XIRP2: variants seen among roughly 807,000 people sequenced by gnomAD.
XIRP2 encodes the protein xin actin-binding repeat-containing protein 2.
In XIRP2, 236 loss-of-function variants were observed where a neutral mutation model predicts 277.0. The observed-to-expected ratio is 0.85, with a 90% CI of 0.77 to 0.95. The LOEUF is 0.95. Ranked by LOEUF, XIRP2 falls within the 40% of genes least tolerant of loss-of-function variation. The pLI, the probability that XIRP2 is intolerant of heterozygous loss-of-function variation, is 0.00. For synonymous variants in XIRP2, 1,490 were observed against 1,416.5 expected, an observed-to-expected ratio of 1.05 and a Z score of -1.17; for missense variants, 4,640 against 4,157.5, an observed-to-expected ratio of 1.12 and a Z score of -3.19.
chr2:166,903,537 T>A lies in XIRP2; in HGVS notation c.55T>A (p.Cys19Ser), dbSNP rs1216084493. ...CCTCCTGAGGCAGAAATGGGAATCT[T>A]GTGATTATCAGAGAAGTGAGTGTCA... ...LNLLRQKWESCDYQRSECHPR... is the reference protein window; with the variant it reads ...LNLLRQKWESSDYQRSECHPR... Residue 19 changes from cysteine (C) to serine (S), a missense_variant, in exon 2 of 11, where the codon TGT becomes AGT. Transcript: ENST00000409195. 1 of 1,613,568 alleles carries A rather than the reference T, an allele frequency of 6.2e-7. No homozygotes were observed. Among genetic ancestry groups the A allele is most frequent in the Admixed American group, 1.7e-5 (1 of 59,910 alleles).
intron 5 of XIRP2, among the ~76,000 whole-genome samples, chr2:167,227,393 T>C (rs1188962255): frequency 6.6e-6 from 1 of 152,114 alleles, no homozygotes; most frequent in Non-Finnish European, 1.5e-5. Flanking sequence ...TTTCTGCATA[T>C]ATATGACATA....
chr2:167,204,203 T>G (rs977545613), intron 3 of XIRP2, among the ~76,000 whole-genome samples: 6 of 152,200 alleles, frequency 3.9e-5, no homozygotes, highest in Non-Finnish European at 8.8e-5. Context: ...AAATTCTGGT[T>G]TCTCTGCTCA....
intron 3 of XIRP2, among the ~76,000 whole-genome samples, chr2:167,174,716 T>C (rs1407886166): frequency 2.6e-5 from 4 of 151,656 alleles, no homozygotes; most frequent in Non-Finnish European, 5.9e-5. Flanking sequence ...AGGGTGTCAA[T>C]TTTTAGTGCT....
chr2:167,078,593 T>C (rs1375444263), intron 2 of XIRP2, among the ~76,000 whole-genome samples: 4 of 152,136 alleles, frequency 2.6e-5, no homozygotes, highest in African/African-American at 4.8e-5. Context: ...TCCCAGCACT[T>C]TGGGAGGCCG....
intron 3 of XIRP2, among the ~76,000 whole-genome samples, chr2:167,200,275 C>T (rs1693641732): frequency 6.6e-6 from 1 of 152,206 alleles, no homozygotes; most frequent in Non-Finnish European, 1.5e-5. Flanking sequence ...AAAGACTGGC[C>T]TAGTGATCAC....
intron 2 of XIRP2, among the ~76,000 whole-genome samples, chr2:166,929,552 T>C (rs1685273708): frequency 6.6e-6 from 1 of 152,174 alleles, no homozygotes; most frequent in Admixed American, 6.6e-5. Flanking sequence ...TATATTATAG[T>C]AGTTATCGGA....
At chr2:167,052,281 G>T in intron 2 of XIRP2, among the ~76,000 whole-genome samples, 1 of 151,712 alleles carries the variant, frequency 6.6e-6, no homozygotes. Context: ...TTAAATTATT[G>T]TTATGTAGAA....
intron 2 of XIRP2, among the ~76,000 whole-genome samples, chr2:166,927,869 C>A (rs1326448026): frequency 6.6e-6 from 1 of 152,078 alleles, no homozygotes; most frequent in African/African-American, 2.4e-5. Context: ...CATGAATATG[C>A]TTTTATTTTT....
At chr2:167,213,347 A>G (rs1024040522) in intron 4 of XIRP2, among the ~76,000 whole-genome samples, 3 of 152,350 alleles carry the variant, frequency 2.0e-5, no homozygotes, top group African/African-American at 7.2e-5. Flanking sequence ...GCTGTAGCCC[A>G]AGGTTTTAAT....
At chr2:167,214,171 A>AGAAG (rs201883189) in intron 4 of XIRP2, among the ~76,000 whole-genome samples, 1,348 of 100,510 alleles carry the variant, frequency 0.013, 140 homozygotes, top group African/African-American at 0.056. Context: ...AGAAAGAGAA[A>AGAAG]GAAGGAAGGA....
chr2:167,200,995 G>A (rs978138247), intron 3 of XIRP2, among the ~76,000 whole-genome samples: 7 of 151,698 alleles, frequency 4.6e-5, no homozygotes, highest in Non-Finnish European at 8.8e-5. Flanking sequence ...GTGTGGTGGC[G>A]GGTGCCTGTA....
At chr2:167,081,374 G>A (rs1265553793) in intron 2 of XIRP2, among the ~76,000 whole-genome samples, 3 of 152,162 alleles carry the variant, frequency 2.0e-5, no homozygotes, top group Non-Finnish European at 4.4e-5. Flanking sequence ...AAGCAGAGGT[G>A]AGAGGATTAC....
rs772985192 is a variant in XIRP2 at position 167,239,876 on chromosome 2, G to A, written c.880G>A (p.Val294Ile). 1 of 1,609,800 alleles carries A rather than the reference G, an allele frequency of 6.2e-7. No homozygotes were observed. The highest frequency in any genetic ancestry group is 2.2e-5 in the East Asian group (1 of 44,628). Reference protein sequence around the residue: ...SEQEAIHSSQVGTSRSSQEMA... With the variant: ...SEQEAIHSSQIGTSRSSQEMA... ...TCAGGAGGCAATTCATAGCAGCCAG[G>A]TTGGCACTTCAAGAAGCAGCCAGGA... Residue 294 changes from valine to isoleucine, a missense_variant, in exon 6 of 11, where the codon GTT becomes ATT. By Grantham distance (29) the Val-to-Ile change is conservative (BLOSUM62 3). Coordinates refer to ENST00000409195, the MANE Select transcript of XIRP2 (RefSeq NM_152381.6).
intron 3 of XIRP2, among the ~76,000 whole-genome samples, chr2:167,160,272 C>G (rs79982267): frequency 0.099 from 15,052 of 152,196 alleles, 796 homozygotes; most frequent in South Asian, 0.16. Context: ...TTAAAGCACT[C>G]ATAATTCTAC....
intron 2 of XIRP2, among the ~76,000 whole-genome samples, chr2:167,002,913 G>A (rs1000962780): frequency 2.0e-5 from 3 of 151,762 alleles, no homozygotes; most frequent in African/African-American, 7.3e-5. Flanking sequence ...TTGATGCTTG[G>A]ATTGTCAGAT....
At chr2:166,917,354 G>C (rs751273983) in intron 2 of XIRP2, among the ~76,000 whole-genome samples, 8 of 152,130 alleles carry the variant, frequency 5.3e-5, no homozygotes, top group Non-Finnish European at 1.0e-4. Flanking sequence ...ATACCGCGAG[G>C]ATGGGCCATA....
At chr2:167,065,563 G>A (rs1689281988) in intron 2 of XIRP2, among the ~76,000 whole-genome samples, 1 of 151,554 alleles carries the variant, frequency 6.6e-6, no homozygotes, top group South Asian at 2.1e-4. Context: ...TATTGCTTGT[G>A]TTCTTGGTGT....
chr2:167,006,993 C>G lies in XIRP2; in HGVS notation c.408+103103C>G, dbSNP rs149685216. Among the ~76,000 whole-genome samples the G allele has an allele frequency of 2.4e-3, 368 of 151,686 alleles. 1 individual carries two copies. Among genetic ancestry groups the G allele is most frequent in the Non-Finnish European group, 2.5e-3 (169 of 67,758 alleles). On this transcript the variant is annotated intron_variant, in intron 2 of 10. Transcript: ENST00000409195. ...TTCAATGGATTGCAGAATTAAAACC[C>G]TCAGATATACCATACTAAAGGAAAA... is the stretch of plus-strand genomic sequence containing the variant.
intron 3 of XIRP2, among the ~76,000 whole-genome samples, chr2:167,178,398 A>T (rs1692915155): frequency 6.6e-6 from 1 of 152,134 alleles, no homozygotes; most frequent in South Asian, 2.1e-4. Flanking sequence ...TTTTGAAATG[A>T]AGTATAATGT....
Sources: gnomAD v4.1 joint callset for allele counts (sites outside exome capture counted in the v4.1 genomes callset) on GRCh38, gnomAD v4.1.1 for gene constraint, MANE v1.5 for transcripts, NCBI Gene and HGNC (gene_info 2026-07-23, HGNC 2026-07-21) for gene names.